The following NEGR1 variants were observed in gnomAD, a reference collection of about 807,000 sequenced individuals.
NEGR1 encodes IgLON family member 4.
A neutral mutation model predicts 40.9 loss-of-function variants in NEGR1; 10 were observed. That is an observed-to-expected ratio of 0.24 (90% CI 0.15 to 0.42). The LOEUF is 0.42. Among genes scored for constraint, NEGR1 ranks in the 10% least tolerant of loss-of-function variants. NEGR1 has a pLI of 1.00. For synonymous variants in NEGR1, 185 were observed against 166.8 expected, an observed-to-expected ratio of 1.11 and a Z score of -0.84; for missense variants, 352 against 438.9, an observed-to-expected ratio of 0.80 and a Z score of 1.77.
intron 2 of NEGR1, among the ~76,000 whole-genome samples, chr1:71,811,858 A>ATTTATTTTATTTTAT (rs71074806): frequency 0.013 from 1,827 of 137,542 alleles, 53 homozygotes; most frequent in African/African-American, 0.048. Context: ...AGTTCTATTT[A>ATTTATTTTATTTTAT]TTTATTTTAT....
chr1:72,012,718 G>A (rs1646667693), intron 1 of NEGR1, among the ~76,000 whole-genome samples: 1 of 151,300 alleles, frequency 6.6e-6, no homozygotes, highest in Non-Finnish European at 1.5e-5. Flanking sequence ...TCCCCAATCT[G>A]CATATATTTT....
At chr1:71,756,660 C>T (rs1233449608) in intron 3 of NEGR1, among the ~76,000 whole-genome samples, 1 of 151,976 alleles carries the variant, frequency 6.6e-6, no homozygotes, top group Non-Finnish European at 1.5e-5. Flanking sequence ...ATTGAATTTG[C>T]TCCTGTCTCC....
At chr1:71,719,653 T>C (rs1654434065) in intron 3 of NEGR1, among the ~76,000 whole-genome samples, 1 of 152,038 alleles carries the variant, frequency 6.6e-6, no homozygotes, top group African/African-American at 2.4e-5. Flanking sequence ...ATACTTTAAG[T>C]TTTGGCACAC....
chr1:71,991,525 G>C (rs1646450978), intron 1 of NEGR1, among the ~76,000 whole-genome samples: 1 of 152,168 alleles, frequency 6.6e-6, no homozygotes, highest in African/African-American at 2.4e-5. Flanking sequence ...GAAGAGCATT[G>C]TGTGGTCCAC....
intron 1 of NEGR1, among the ~76,000 whole-genome samples, chr1:72,216,384 CATATATATATATATATACAT>C (rs1178768786): frequency 1.5e-5 from 2 of 129,260 alleles, no homozygotes; most frequent in Non-Finnish European, 3.2e-5. Flanking sequence ...TATATATATA[CATATATATATATATATACAT>C]ATATATATAT....
intron 2 of NEGR1, among the ~76,000 whole-genome samples, chr1:71,860,098 C>T (rs1008065038): frequency 1.3e-5 from 2 of 151,734 alleles, no homozygotes; most frequent in Non-Finnish European, 2.9e-5. Context: ...CCAGGTGATA[C>T]GTGACCCTGT....
intron 1 of NEGR1, among the ~76,000 whole-genome samples, chr1:72,158,037 C>A (rs986532805): frequency 8.5e-5 from 13 of 152,114 alleles, no homozygotes; most frequent in African/African-American, 3.1e-4. Context: ...CTCCCTAAAG[C>A]TATAATACAG....
chr1:71,621,332 T>A (rs1394283764), intron 4 of NEGR1, among the ~76,000 whole-genome samples: 1 of 151,738 alleles, frequency 6.6e-6, no homozygotes, highest in Admixed American at 6.6e-5. Flanking sequence ...GGGTTCAATG[T>A]GAAAAAATGT....
intron 1 of NEGR1, among the ~76,000 whole-genome samples, chr1:72,192,706 A>C (rs544861338): frequency 2.6e-5 from 4 of 151,974 alleles, no homozygotes; most frequent in African/African-American, 9.6e-5. Flanking sequence ...CAAATTGCAT[A>C]TTGCCAGATT....
intron 5 of NEGR1, among the ~76,000 whole-genome samples, chr1:71,593,359 G>A (rs1021564114): frequency 6.6e-6 from 1 of 152,140 alleles, no homozygotes; most frequent in African/African-American, 2.4e-5. Flanking sequence ...TGGTTTCTAG[G>A]TAAGCTGGCG....
At chr1:72,196,403 C>T (rs17092463) in intron 1 of NEGR1, among the ~76,000 whole-genome samples, 2,565 of 152,142 alleles carry the variant, frequency 0.017, 84 homozygotes, top group African/African-American at 0.059. Flanking sequence ...TTTGTCTTAA[C>T]TCATGCTAAA....
intron 1 of NEGR1, among the ~76,000 whole-genome samples, chr1:72,073,058 T>C (rs565829903): frequency 2.6e-5 from 4 of 152,112 alleles, no homozygotes; most frequent in African/African-American, 4.8e-5. Flanking sequence ...TAAACACCTA[T>C]GTGAGGGAGG....
At chr1:71,986,153 T>C (rs1398153463) in intron 1 of NEGR1, among the ~76,000 whole-genome samples, 1 of 152,230 alleles carries the variant, frequency 6.6e-6, no homozygotes, top group African/African-American at 2.4e-5. Flanking sequence ...ATTCTATATG[T>C]GGTAGAGTAA....
At chr1:71,564,800 A>C (rs1648564717) in intron 6 of NEGR1, among the ~76,000 whole-genome samples, 1 of 152,148 alleles carries the variant, frequency 6.6e-6, no homozygotes, top group Non-Finnish European at 1.5e-5. Context: ...CACAGATCAT[A>C]TAATCATTGA....
intron 6 of NEGR1, among the ~76,000 whole-genome samples, chr1:71,479,760 A>T (rs1288336188): frequency 6.6e-6 from 1 of 152,016 alleles, no homozygotes; most frequent in African/African-American, 2.4e-5. Context: ...ATTCATGAGA[A>T]AATCAGAGCT....
chr1:71,694,595 T>C (rs1653411883), intron 4 of NEGR1, among the ~76,000 whole-genome samples: 1 of 151,752 alleles, frequency 6.6e-6, no homozygotes. Flanking sequence ...GGTAATTAAA[T>C]TGAATAGAAA....
At chr1:71,818,574 T>A (rs952473750) in intron 2 of NEGR1, among the ~76,000 whole-genome samples, 3 of 151,986 alleles carry the variant, frequency 2.0e-5, no homozygotes, top group African/African-American at 7.2e-5. Context: ...AAAAACTACC[T>A]CTAGGTACCA....
At chr1:71,888,096 C>A (rs1174629595) in intron 2 of NEGR1, among the ~76,000 whole-genome samples, 1 of 151,870 alleles carries the variant, frequency 6.6e-6, no homozygotes, top group East Asian at 1.9e-4. Flanking sequence ...ATAATTTATT[C>A]TTCAACTTGC....
At chr1:71,633,577 C>G (rs1299162463) in intron 4 of NEGR1, among the ~76,000 whole-genome samples, 1 of 151,970 alleles carries the variant, frequency 6.6e-6, no homozygotes, top group Non-Finnish European at 1.5e-5. Context: ...AACATGGAAA[C>G]TGGGGAGAAA....
Sources: allele counts gnomAD v4.1 joint callset (sites outside exome capture counted in the v4.1 genomes callset), GRCh38; gene constraint gnomAD v4.1.1; transcripts MANE v1.5; gene names NCBI Gene and HGNC (gene_info 2026-07-23, HGNC 2026-07-21).